The following USP7 variants were observed in gnomAD, a reference collection of about 807,000 sequenced individuals.
USP7 encodes the protein ubiquitin C-terminal hydrolase 7.
USP7 carries 9 observed loss-of-function variants against 162.9 expected under a neutral mutation model. The observed-to-expected ratio is 0.06, with a 90% CI of 0.03 to 0.10. USP7 has a LOEUF of 0.10. Ranked by LOEUF, USP7 falls within the 10% of genes least tolerant of loss-of-function variation. The pLI, the probability that USP7 is intolerant of heterozygous loss-of-function variation, is 1.00. For synonymous variants in USP7, 562 were observed against 475.9 expected, an observed-to-expected ratio of 1.18 and a Z score of -2.35; for missense variants, 715 against 1,373.7, an observed-to-expected ratio of 0.52 and a Z score of 7.58.
chr16:8,953,542 TGCCCCATGCGGC>T (rs879801521), intron 1 of USP7, among the ~76,000 whole-genome samples: 4,528 of 131,064 alleles, frequency 0.035, 229 homozygotes, highest in Middle Eastern at 0.12. Context: ...GGAAGACACG[TGCCCCATGCGGC>T]GCCACCGGAA....
rs1199876546 is a variant in USP7, at chr16:8,893,976, C to T, written c.*22G>A. 6.2e-7 allele frequency: 1 copy of T among 1,612,288 alleles called. No individual in the cohort carries two copies. The highest frequency in any genetic ancestry group is 1.3e-5 in the African/African-American group (1 of 74,878). On this transcript the variant is annotated 3_prime_UTR_variant, in exon 31 of 31. Transcript: ENST00000344836. ...GGGGCCACCCACACACCGTCCTCGC[C>T]TTGAACACACCAGCTTGGAAATCAG...
At chr16:8,941,925 A>T (rs994011760) in intron 1 of USP7, among the ~76,000 whole-genome samples, 1 of 152,232 alleles carries the variant, frequency 6.6e-6, no homozygotes, top group African/African-American at 2.4e-5. Context: ...TCATTGCAAT[A>T]GAGGGCAAAC....
chr16:8,955,194 G>C (rs549220654), intron 1 of USP7, among the ~76,000 whole-genome samples: 3 of 152,150 alleles, frequency 2.0e-5, no homozygotes, highest in Non-Finnish European at 1.5e-5. Flanking sequence ...ATAAACTTGG[G>C]TTTCTCTTTC....
In USP7 at chr16:8,904,424, C is replaced by A. The variant is rs754419900; in HGVS notation, c.1704+11G>T. On this transcript the variant is annotated intron_variant, in intron 15 of 30. Transcript: ENST00000344836. ...ATGGTGACCCGGAGTCCCAGAAGGG[C>A]GGGGGCTGACCTGCACTTGCATATA... The A allele has an allele frequency of 6.2e-7, 1 of 1,611,956 alleles. No individual in the cohort carries two copies. Among genetic ancestry groups the A allele is most frequent in the Middle Eastern group, 1.7e-4 (1 of 5,760 alleles).
chr16:8,905,172 G>C lies in USP7; in HGVS notation c.1573+15C>G. On this transcript the variant is annotated intron_variant, in intron 14 of 30. Transcript: ENST00000344836. ...CACCACAGTAAAGAACAGAACAAAA[G>C]TGAACACTACTCACTCAGTTTTGAT... The C allele has an allele frequency of 1.2e-6, 2 of 1,612,368 alleles. No homozygotes were observed. Among genetic ancestry groups the C allele is most frequent in the Non-Finnish European group, 8.5e-7 (1 of 1,178,444 alleles).
chr16:8,896,042 G>C (rs2061676222), intron 26 of USP7, among the ~76,000 whole-genome samples: 1 of 151,516 alleles, frequency 6.6e-6, no homozygotes, highest in Non-Finnish European at 1.5e-5. Context: ...TCACCATGTT[G>C]GTTAGCCAGG....
At position 8,930,214 on chromosome 16, in the gene USP7, A is replaced by G. The variant is rs373742305; in HGVS notation, c.184+79T>C. ...TCAGAAGTACCCAAGGATGTACCCA[A>G]GAAGTACCAAGCATGGATCTGAACC... On this transcript the variant is annotated intron_variant, in intron 2 of 30. Transcript: ENST00000344836. 4.8e-5 allele frequency: 53 copies of G among 1,107,780 alleles called. 1 individual carries two copies. Among genetic ancestry groups the G allele is most frequent in the South Asian group, 3.2e-4 (22 of 67,978 alleles). The allele number at this position is 1,107,780 out of a possible 1,614,324, so 68.6% of individuals were successfully genotyped here.
intron 4 of USP7, among the ~76,000 whole-genome samples, chr16:8,920,699 G>T (rs1455861260): frequency 6.6e-6 from 1 of 152,194 alleles, no homozygotes; most frequent in African/African-American, 2.4e-5. Context: ...AGCATGGACA[G>T]GAGAAATCTG....
chr16:8,901,267 C>T (rs1567209594), intron 18 of USP7, 33 bp from the exon 19 acceptor site: 2 of 1,477,762 alleles, frequency 1.4e-6, no homozygotes, highest in Admixed American at 1.7e-5. Context: ...TTGTTAAGAT[C>T]CAAACACTCA....
intron 6 of USP7, among the ~76,000 whole-genome samples, chr16:8,918,596 G>T (rs1357477018): frequency 1.3e-5 from 2 of 152,088 alleles, no homozygotes; most frequent in Non-Finnish European, 2.9e-5. Flanking sequence ...GATAGCTTGG[G>T]GTCAGGAGTT....
chr16:8,961,165 A>C (rs1376028383), intron 1 of USP7, among the ~76,000 whole-genome samples: 1 of 152,138 alleles, frequency 6.6e-6, no homozygotes, highest in African/African-American at 2.4e-5. Context: ...GAGACTGATG[A>C]ATTTCTAAAA....
At chr16:8,938,710 C>CA (rs397944053) in intron 1 of USP7, among the ~76,000 whole-genome samples, 57,673 of 145,802 alleles carry the variant, frequency 0.4, 11,292 homozygotes, top group Admixed American at 0.44. Flanking sequence ...GACTCCGTCT[C>CA]AAAAAAAAAA....
intron 1 of USP7, among the ~76,000 whole-genome samples, chr16:8,942,963 G>A (rs1464804076): frequency 6.6e-6 from 1 of 152,170 alleles, no homozygotes; most frequent in African/African-American, 2.4e-5. Context: ...CTTCAGTTCT[G>A]TACCTTTTCA....
chr16:8,895,626 T>C lies in USP7; in HGVS notation c.2919+16A>G. 6.3e-7 allele frequency: 1 copy of C among 1,597,526 alleles called. No individual in the cohort carries two copies. Among genetic ancestry groups the C allele is most frequent in the South Asian group, 1.1e-5 (1 of 89,380 alleles). ...CATGAATTCTCTCTGGTGCCAACAG[T>C]ATCGGGGACAGATACCTCTATTCGA... is the stretch of plus-strand genomic sequence containing the variant. On this transcript the variant is annotated intron_variant, in intron 27 of 30. Transcript: ENST00000344836.
At chr16:8,920,550 CTTTT>C (rs112935927) in intron 4 of USP7, 103 bp from the exon 5 acceptor site, 8 of 933,918 alleles carry the variant, frequency 8.6e-6, no homozygotes, top group Non-Finnish European at 1.2e-5. Context: ...GATGAAAATA[CTTTT>C]TTTTTAAATA....
At chr16:8,940,389 CAGG>C (rs1327896698) in intron 1 of USP7, among the ~76,000 whole-genome samples, 2 of 152,224 alleles carry the variant, frequency 1.3e-5, no homozygotes, top group African/African-American at 4.8e-5. Context: ...GCACAGTGCT[CAGG>C]AGAACTCTTC....
intron 26 of USP7, 57 bp downstream of exon 26, chr16:8,896,942 C>T: frequency 7.5e-7 from 1 of 1,333,140 alleles, no homozygotes; most frequent in Non-Finnish European, 1.1e-6. Flanking sequence ...CTGCAGAGGT[C>T]AGCGTTAACT....
At chr16:8,920,502 C>A (rs1897625912) in intron 4 of USP7, 55 bp from the exon 5 acceptor site, 1 of 1,453,524 alleles carries the variant, frequency 6.9e-7, no homozygotes, top group East Asian at 2.3e-5. Context: ...ATTTTATTCC[C>A]AAGAGACAAA....
intron 25 of USP7, 81 bp downstream of exon 25, chr16:8,898,279 A>T: frequency 8.5e-7 from 1 of 1,173,984 alleles, no homozygotes; most frequent in Non-Finnish European, 1.2e-6. Flanking sequence ...GTGGTGTCTT[A>T]GTTTTCAATG....
Sources: allele counts gnomAD v4.1 joint callset (sites outside exome capture counted in the v4.1 genomes callset), GRCh38; gene constraint gnomAD v4.1.1; transcripts MANE v1.5; gene names NCBI Gene and HGNC (gene_info 2026-07-23, HGNC 2026-07-21).